The following ITPR1 variants were observed in gnomAD, a reference collection of about 807,000 sequenced individuals.
The protein encoded by ITPR1 is inositol 1,4,5-trisphosphate receptor type 1.
ITPR1 carries 96 observed loss-of-function variants against 318.4 expected under a neutral mutation model. The observed-to-expected ratio is 0.30, with a 90% CI of 0.26 to 0.36. The LOEUF (loss-of-function observed/expected upper bound fraction) is 0.36, where lower values mean the gene tolerates loss of function less well. Ranked by LOEUF, ITPR1 falls within the 10% of genes least tolerant of loss-of-function variation. The pLI is 1.00. For synonymous variants in ITPR1, 1,312 were observed against 1,289.9 expected, an observed-to-expected ratio of 1.02 and a Z score of -0.37; for missense variants, 2,440 against 3,460.2, an observed-to-expected ratio of 0.71 and a Z score of 7.40.
At position 4,813,139 on chromosome 3, in the gene ITPR1, C is replaced by A; in HGVS notation, c.7469-3C>A. On this transcript the variant is annotated splice_region_variant and splice_polypyrimidine_tract_variant and intron_variant, in intron 56 of 61. Transcript: ENST00000649015. ...CATCATAAAATTTCCTTCTCTCTCC[C>A]AGAAACCGGCGAGAGTTTGGCAAGC... The A allele has an allele frequency of 6.2e-7, 1 of 1,613,562 alleles. No homozygotes were observed. Among genetic ancestry groups the A allele is most frequent in the Non-Finnish European group, 8.5e-7 (1 of 1,179,532 alleles).
intron 48 of ITPR1, among the ~76,000 whole-genome samples, chr3:4,778,411 T>C (rs1018396484): frequency 7.2e-5 from 11 of 152,108 alleles, no homozygotes; most frequent in South Asian, 4.2e-4. Flanking sequence ...GGCTGAAAGG[T>C]TGAGCTGTAT....
chr3:4,553,686 T>C (rs1269944025), intron 4 of ITPR1, among the ~76,000 whole-genome samples: 2 of 151,602 alleles, frequency 1.3e-5, no homozygotes, highest in East Asian at 3.9e-4. Flanking sequence ...CTGCAACTTC[T>C]GCCTCCCAGG....
At chr3:4,722,875 G>A (rs1389585141) in intron 40 of ITPR1, among the ~76,000 whole-genome samples, 1 of 152,212 alleles carries the variant, frequency 6.6e-6, no homozygotes, top group African/African-American at 2.4e-5. Flanking sequence ...GCAGCCATGT[G>A]TGGTGACTCA....
intron 61 of ITPR1, among the ~76,000 whole-genome samples, chr3:4,838,230 G>A (rs1046253546): frequency 6.6e-6 from 1 of 152,146 alleles, no homozygotes; most frequent in East Asian, 1.9e-4. Flanking sequence ...TATTTATGAA[G>A]GTTGTCTATA....
At position 4,661,076 on chromosome 3, in the gene ITPR1, G is replaced by C; in HGVS notation, c.1240G>C (p.Val414Leu). Residue 414 changes from valine to leucine, a missense_variant, in exon 14 of 62, where the codon GTG becomes CTG. Transcript: ENST00000649015. Reference sequence around the variant, plus strand: ...TATTGACAAGGAAGAAGAAAAGCCCGTGATGCTGAAAGTAAGTCCTGGGAC... The same window carrying C: ...TATTGACAAGGAAGAAGAAAAGCCCCTGATGCTGAAAGTAAGTCCTGGGAC... ...IPIDKEEEKP[V>L]MLKIGTSPVK... is the part of the protein sequence containing the mutation. The C allele has an allele frequency of 6.3e-7, 1 of 1,598,362 alleles. No individual in the cohort carries two copies. The highest frequency in any genetic ancestry group is 8.6e-7 in the Non-Finnish European group (1 of 1,165,774).
chr3:4,511,013 A>G lies in ITPR1; in HGVS notation c.-16-5463A>G, dbSNP rs116645269. ...TGAGAAATGGCTATGAAGGAGGAAC[A>G]GGTTGGGCAGGCAGGTAAATTCTTT... On this transcript the variant is annotated intron_variant, in intron 2 of 61. Coordinates refer to ENST00000649015, the MANE Select transcript of ITPR1 (RefSeq NM_001378452.1). 7.4e-3 allele frequency among the ~76,000 whole-genome samples: 1,133 copies of G among 152,210 alleles called. 12 individuals are homozygous for G. Among genetic ancestry groups the G allele is most frequent in the African/African-American group, 0.026 (1,081 of 41,526 alleles).
At chr3:4,604,849 A>G (rs2091586108) in intron 4 of ITPR1, among the ~76,000 whole-genome samples, 2 of 152,150 alleles carry the variant, frequency 1.3e-5, no homozygotes, top group Non-Finnish European at 2.9e-5. Context: ...GCAAGAACAG[A>G]TGGACAGCAT....
intron 4 of ITPR1, among the ~76,000 whole-genome samples, chr3:4,564,979 A>G (rs1323706598): frequency 2.6e-5 from 4 of 152,210 alleles, no homozygotes. Context: ...ATTGTCTCTC[A>G]CAAATGAAAA....
At chr3:4,588,617 G>C (rs999347851) in intron 4 of ITPR1, among the ~76,000 whole-genome samples, 1 of 152,000 alleles carries the variant, frequency 6.6e-6, no homozygotes, top group Non-Finnish European at 1.5e-5. Flanking sequence ...CACTCCTTGA[G>C]GTTAAATGTG....
At chr3:4,814,988 C>A (rs893392722) in intron 58 of ITPR1, 65 bp from the exon 59 acceptor site, 1 of 1,388,944 alleles carries the variant, frequency 7.2e-7, no homozygotes, top group African/African-American at 1.4e-5. Flanking sequence ...TGAGCTGTGC[C>A]CCAGGCTCCG....
In ITPR1 at chr3:4,676,848, G is replaced by A. The variant is rs143999073; in HGVS notation, c.2967+47G>A. 4.7e-3 allele frequency: 6,814 copies of A among 1,447,142 alleles called. 440 individuals are homozygous for A. The Admixed American group carries it at 0.11, about 24-fold the overall frequency. 89.6% of individuals were successfully genotyped at this position (1,447,142 alleles called of 1,614,324 possible). A position where few individuals can be genotyped will look rare whatever the true frequency, so the allele number is the denominator to read the frequency against. On this transcript the variant is annotated intron_variant, in intron 24 of 61. Coordinates refer to ENST00000649015, the MANE Select transcript of ITPR1 (RefSeq NM_001378452.1). Reference sequence around the variant, plus strand: ...GGTAGGGAGGGTATGTCACAGAGGCGCCATTCAGATCCAGTCCCTCTGTTC... The same window carrying A: ...GGTAGGGAGGGTATGTCACAGAGGCACCATTCAGATCCAGTCCCTCTGTTC...
At chr3:4,757,042 G>A (rs1199255150) in intron 44 of ITPR1, among the ~76,000 whole-genome samples, 1 of 152,190 alleles carries the variant, frequency 6.6e-6, no homozygotes, top group Non-Finnish European at 1.5e-5. Context: ...TCATTTTTTA[G>A]CTAAAGAACC....
intron 42 of ITPR1, among the ~76,000 whole-genome samples, chr3:4,730,812 G>A (rs2042877902): frequency 6.6e-6 from 1 of 152,136 alleles, no homozygotes. Flanking sequence ...TTGTTGACTG[G>A]TCACAACCAT....
chr3:4,613,015 C>T (rs1311955290), intron 4 of ITPR1, among the ~76,000 whole-genome samples: 1 of 152,218 alleles, frequency 6.6e-6, no homozygotes, highest in Non-Finnish European at 1.5e-5. Flanking sequence ...TAAGGACGTG[C>T]CTGTGACACA....
intron 55 of ITPR1, among the ~76,000 whole-genome samples, chr3:4,807,366 G>C (rs74492422): frequency 0.02 from 3,010 of 152,274 alleles, 104 homozygotes; most frequent in African/African-American, 0.068. Context: ...ATAGGTTAGA[G>C]ATTTGAAAGT....
chr3:4,551,156 G>C (rs1427131154), intron 4 of ITPR1, among the ~76,000 whole-genome samples: 1 of 152,230 alleles, frequency 6.6e-6, no homozygotes, highest in South Asian at 2.1e-4. Flanking sequence ...GGCCAAGGCA[G>C]GGCTTCAGGG....
At chr3:4,690,052 G>A (rs967625275) in intron 31 of ITPR1, among the ~76,000 whole-genome samples, 4 of 152,166 alleles carry the variant, frequency 2.6e-5, no homozygotes, top group South Asian at 2.1e-4. Context: ...CAAGGCAGGC[G>A]GATCACTTGA....
chr3:4,701,389 C>G (rs1182638822), intron 35 of ITPR1, among the ~76,000 whole-genome samples: 2 of 152,156 alleles, frequency 1.3e-5, no homozygotes, highest in African/African-American at 4.8e-5. Flanking sequence ...TGACCGTTCT[C>G]ATTGGGCCCT....
At position 4,676,713 on chromosome 3, in the gene ITPR1, C is replaced by T. The variant is rs760968044; in HGVS notation, c.2879C>T (p.Ala960Val). Residue 960 changes from alanine to valine, a missense_variant, in exon 24 of 62, where the codon GCC becomes GTC. Physicochemically the swap from Ala to Val is moderately conservative, Grantham distance 64 (BLOSUM62 0). Transcript: ENST00000649015. The stretch of plus-strand genomic sequence containing the variant: ...TTGCCCATGACTCCCATGGCTGCTG[C>T]CCCTGAAGGCAATGTGAAGCAGGCA... ...GFLPMTPMAA[A>V]PEGNVKQAEP... is the part of the protein sequence containing the mutation. 6 of 1,613,702 alleles carry T rather than the reference C, an allele frequency of 3.7e-6. No individual in the cohort carries two copies. In the South Asian group the frequency reaches 6.6e-5, roughly 18 times the overall value.
Sources: allele counts gnomAD v4.1 joint callset (sites outside exome capture counted in the v4.1 genomes callset), GRCh38; gene constraint gnomAD v4.1.1; transcripts MANE v1.5; gene names NCBI Gene and HGNC (gene_info 2026-07-23, HGNC 2026-07-21).